The following DNAI3 variants were observed in gnomAD, a reference collection of about 807,000 sequenced individuals.
DNAI3 encodes WD repeat domain 63.
In DNAI3, 83 loss-of-function variants were observed where a neutral mutation model predicts 115.5. The ratio of observed to expected loss-of-function variants is 0.72; its 90% CI spans 0.60 to 0.86. DNAI3 has a LOEUF of 0.86. Among genes scored for constraint, DNAI3 ranks in the 40% least tolerant of loss-of-function variants. DNAI3 has a pLI of 0.00. For synonymous variants in DNAI3, 320 were observed against 347.0 expected, an observed-to-expected ratio of 0.92 and a Z score of 0.86; for missense variants, 1,004 against 1,075.8, an observed-to-expected ratio of 0.93 and a Z score of 0.93.
rs58178754 is a variant in DNAI3, at chr1:85,114,015, C to CTTTTTT, written c.1787-3703_1787-3698dup. Among the ~76,000 whole-genome samples the CTTTTTT allele has an allele frequency of 8.5e-3, 1,004 of 117,580 alleles. 35 individuals are homozygous for CTTTTTT. The highest frequency in any genetic ancestry group is 0.029 in the African/African-American group (901 of 31,152). 77.1% of individuals were successfully genotyped at this position (117,580 alleles called of 152,430 possible). ...CAGTGTATAAAAATACAATTTGTAT[C>CTTTTTT]TTTTTTTTTTTTTTTTGAGAAGGAG... On this transcript the variant is annotated intron_variant, in intron 16 of 22. Coordinates refer to ENST00000294664, the MANE Select transcript of DNAI3 (RefSeq NM_145172.5).
In DNAI3 at chr1:85,095,911, A is replaced by G; in HGVS notation, c.1174-20A>G. 1 of 1,605,948 alleles carries G rather than the reference A, an allele frequency of 6.2e-7. No individual in the cohort carries two copies. The highest frequency in any genetic ancestry group is 8.5e-7 in the Non-Finnish European group (1 of 1,172,860). Reference sequence around the variant, plus strand: ...AATCTCTTTTCTCATTCTTTCATGAATTTGCTGGGTTTACTTTAGTTAATG... The same window carrying G: ...AATCTCTTTTCTCATTCTTTCATGAGTTTGCTGGGTTTACTTTAGTTAATG... On this transcript the variant is annotated intron_variant, in intron 10 of 22. Coordinates refer to ENST00000294664, the MANE Select transcript of DNAI3 (RefSeq NM_145172.5).
intron 1 of DNAI3, among the ~76,000 whole-genome samples, chr1:85,068,131 T>TC (rs1037985052): frequency 1.3e-5 from 2 of 152,030 alleles, no homozygotes; most frequent in Admixed American, 1.3e-4. Flanking sequence ...ATCTAACTTT[T>TC]TTTTTTTTTT....
intron 3 of DNAI3, among the ~76,000 whole-genome samples, chr1:85,078,280 T>A (rs1183274195): frequency 3.3e-5 from 5 of 152,248 alleles, no homozygotes; most frequent in Non-Finnish European, 7.3e-5. Context: ...TCCTCAGTTT[T>A]CTCAGCTAAA....
At chr1:85,064,089 A>T (rs1654019427) in intron 1 of DNAI3, among the ~76,000 whole-genome samples, 1 of 152,240 alleles carries the variant, frequency 6.6e-6, no homozygotes, top group African/African-American at 2.4e-5. Context: ...ATCATAATTT[A>T]AAAAATATTT....
At chr1:85,076,212 C>A (rs1351735069) in intron 3 of DNAI3, among the ~76,000 whole-genome samples, 1 of 152,124 alleles carries the variant, frequency 6.6e-6, no homozygotes, top group Non-Finnish European at 1.5e-5. Flanking sequence ...TGACTTTGAT[C>A]CTCCTGTCAC....
At chr1:85,107,620 A>G (rs923510322) in intron 14 of DNAI3, among the ~76,000 whole-genome samples, 1 of 152,164 alleles carries the variant, frequency 6.6e-6, no homozygotes, top group Non-Finnish European at 1.5e-5. Flanking sequence ...GCTAATCTGC[A>G]TGAGGTTTTT....
At chr1:85,071,801 G>A in intron 1 of DNAI3, 127 bp from the exon 2 acceptor site, 1 of 881,588 alleles carries the variant, frequency 1.1e-6, no homozygotes, top group South Asian at 1.6e-5. Flanking sequence ...GATACAGGTT[G>A]ATTTAGCCCA....
intron 3 of DNAI3, among the ~76,000 whole-genome samples, chr1:85,077,424 A>G (rs573478997): frequency 3.9e-5 from 6 of 152,336 alleles, no homozygotes; most frequent in East Asian, 1.9e-4. Flanking sequence ...TGACACCCAC[A>G]GCCAAAATCC....
At chr1:85,083,913 T>G (rs1345709938) in intron 5 of DNAI3, among the ~76,000 whole-genome samples, 2 of 151,944 alleles carry the variant, frequency 1.3e-5, no homozygotes, top group African/African-American at 2.4e-5. Flanking sequence ...TAACTTAACA[T>G]TCACATAAAA....
chr1:85,078,025 G>C (rs932873763), intron 3 of DNAI3, among the ~76,000 whole-genome samples: 1 of 152,156 alleles, frequency 6.6e-6, no homozygotes, highest in Non-Finnish European at 1.5e-5. Context: ...GAATTGTGTA[G>C]AGCTTGAGTC....
chr1:85,132,224 ATAACT>A (rs1656347729), intron 22 of DNAI3, among the ~76,000 whole-genome samples: 1 of 152,258 alleles, frequency 6.6e-6, no homozygotes, highest in Admixed American at 6.5e-5. Flanking sequence ...CACTTAGCCA[ATAACT>A]GGCACATAGA....
intron 8 of DNAI3, 101 bp downstream of exon 8, chr1:85,090,333 T>C (rs957524187): frequency 3.0e-5 from 17 of 564,044 alleles, no homozygotes; most frequent in Non-Finnish European, 4.9e-5. Flanking sequence ...GGTATCTAGA[T>C]AAAAAGTATG....
At chr1:85,076,619 C>T (rs200695448) in intron 3 of DNAI3, among the ~76,000 whole-genome samples, 1 of 152,092 alleles carries the variant, frequency 6.6e-6, no homozygotes, top group Non-Finnish European at 1.5e-5. Flanking sequence ...GGCAAGAGAG[C>T]GTGTGTAGGA....
At chr1:85,063,097 T>G (rs1385339695) in intron 1 of DNAI3, among the ~76,000 whole-genome samples, 2 of 152,172 alleles carry the variant, frequency 1.3e-5, no homozygotes, top group Non-Finnish European at 2.9e-5. Flanking sequence ...CTAAATGAAT[T>G]CACAGCAATC....
chr1:85,098,466 A>G, intron 12 of DNAI3, 64 bp from the exon 13 acceptor site: 2 of 1,561,488 alleles, frequency 1.3e-6, no homozygotes, highest in Non-Finnish European at 8.7e-7. Flanking sequence ...GATGATGAGT[A>G]AAGTATGAGT....
chr1:85,090,071 T>C lies in DNAI3; in HGVS notation c.741-45T>C. 2 of 1,080,056 alleles carry C rather than the reference T, an allele frequency of 1.9e-6. 1 individual carries two copies. The highest frequency in any genetic ancestry group is 4.2e-5 in the South Asian group (2 of 48,186). 66.9% of individuals were successfully genotyped at this position (1,080,056 alleles called of 1,614,324 possible). On this transcript the variant is annotated intron_variant, in intron 7 of 22. Transcript: ENST00000294664. ...ACCTGTTGTGGCCCATATTTGCTCT[T>C]CTTTGACCTAATCTTTAGTATTGAA...
At chr1:85,084,277 TACACATCC>T (rs1654728230) in intron 5 of DNAI3, among the ~76,000 whole-genome samples, 4 of 128,458 alleles carry the variant, frequency 3.1e-5, no homozygotes, top group African/African-American at 8.5e-5. Flanking sequence ...TATATATATA[TACACATCC>T]ATATGTAGAG....
chr1:85,068,508 C>T (rs371334349), intron 1 of DNAI3, among the ~76,000 whole-genome samples: 3 of 152,152 alleles, frequency 2.0e-5, no homozygotes, highest in South Asian at 2.1e-4. Flanking sequence ...TTAAATGTCT[C>T]GCAGCTGGAT....
Position 85,132,982 on chromosome 1 carries a change from A to C in DNAI3, c.2660A>C (p.Tyr887Ser). The C allele has an allele frequency of 6.2e-7, 1 of 1,611,096 alleles. No individual in the cohort carries two copies. The highest frequency in any genetic ancestry group is 1.1e-5 in the South Asian group (1 of 90,108). The change falls in exon 23 of 23, where the codon TAC (tyrosine) becomes TCC (serine). Residue 887 changes from tyrosine to serine, a missense_variant. By Grantham distance (144) the Tyr-to-Ser change is moderately radical. Around this residue, in one of 3 missense-constraint regions of DNAI3, gnomAD observed 429 missense variants for 454.3 expected, o/e 0.94. Coordinates refer to ENST00000294664, the MANE Select transcript of DNAI3 (RefSeq NM_145172.5). The stretch of plus-strand genomic sequence containing the variant: ...ATCAAAGTCACAGAGAAGGGGTCAT[A>C]CATGGAGGTGATGTAAAAAAGCTTC... ...GLIKVTEKGS[Y>S]MEVM is the part of the protein sequence containing the mutation.
Sources: gnomAD v4.1 joint callset for allele counts (sites outside exome capture counted in the v4.1 genomes callset) on GRCh38, gnomAD v4.1.1 for gene constraint, gnomAD v4.1.1 regional missense constraint, MANE v1.5 for transcripts, NCBI Gene and HGNC (gene_info 2026-07-23, HGNC 2026-07-21) for gene names.